MAGI2: variants seen among roughly 807,000 people sequenced by gnomAD.
MAGI2 encodes membrane associated guanylate kinase, WW and PDZ domain containing 2.
In MAGI2, 35 loss-of-function variants were observed where a neutral mutation model predicts 133.3. That is an observed-to-expected ratio of 0.26 (90% confidence interval 0.20 to 0.35). MAGI2 has a LOEUF of 0.35. Ranked by LOEUF, MAGI2 falls within the 10% of genes least tolerant of loss-of-function variation. The pLI, the probability that MAGI2 is intolerant of heterozygous loss-of-function variation, is 1.00. For synonymous variants in MAGI2, 729 were observed against 710.6 expected (o/e 1.03, Z -0.41); for missense variants, 1,636 against 1,863.4 (o/e 0.88, Z 2.25).
intron 1 of MAGI2, among the ~76,000 whole-genome samples, chr7:79,287,751 G>A (rs1428908105): frequency 6.6e-6 from 1 of 152,108 alleles, no homozygotes; most frequent in Non-Finnish European, 1.5e-5. Flanking sequence ...CTAGGATAAT[G>A]TAAAGTTAAA....
At chr7:79,103,809 A>C (rs985637113) in intron 1 of MAGI2, among the ~76,000 whole-genome samples, 2 of 151,636 alleles carry the variant, frequency 1.3e-5, no homozygotes, top group Admixed American at 1.3e-4. Flanking sequence ...ACGCCATTCT[A>C]CTGCCTCAGC....
Position 78,881,353 on chromosome 7 carries a change from C to A in MAGI2, c.418+125737G>T, listed in dbSNP as rs549022940. Among the ~76,000 whole-genome samples the A allele has an allele frequency of 4.8e-5, 7 of 146,646 alleles. No homozygotes were observed. The South Asian group carries it at 1.3e-3, about 27-fold the overall frequency. On this transcript the variant is annotated intron_variant, in intron 2 of 21. Coordinates refer to ENST00000354212, the MANE Select transcript of MAGI2 (RefSeq NM_012301.4). ...CAAGTCTCAATAAATTTTAAAAAAT[C>A]GACTCATAGATGAGAATTGAACAAT...
chr7:78,777,210 C>T (rs1826054112), intron 2 of MAGI2, among the ~76,000 whole-genome samples: 1 of 152,144 alleles, frequency 6.6e-6, no homozygotes, highest in Admixed American at 6.5e-5. Context: ...TTTCTCTAGT[C>T]TTAACTAACC....
intron 1 of MAGI2, among the ~76,000 whole-genome samples, chr7:79,425,177 A>G (rs1479516187): frequency 1.3e-5 from 2 of 151,478 alleles, no homozygotes; most frequent in East Asian, 3.9e-4. Flanking sequence ...GCTTGAACCC[A>G]GGCATCGGAG....
At chr7:78,352,279 C>T (rs1791600732) in intron 7 of MAGI2, among the ~76,000 whole-genome samples, 1 of 152,122 alleles carries the variant, frequency 6.6e-6, no homozygotes, top group Non-Finnish European at 1.5e-5. Context: ...AACAAGGTTA[C>T]ATAATGCAAT....
chr7:79,034,321 G>T (rs2116842970), intron 1 of MAGI2, among the ~76,000 whole-genome samples: 1 of 152,158 alleles, frequency 6.6e-6, no homozygotes, highest in South Asian at 2.1e-4. Flanking sequence ...GTAACGTAAT[G>T]ATCTTTAAAT....
intron 9 of MAGI2, among the ~76,000 whole-genome samples, chr7:78,272,718 CT>C (rs1172401342): frequency 1.3e-5 from 2 of 152,042 alleles, no homozygotes; most frequent in Admixed American, 6.6e-5. Context: ...CTCTTTTGAT[CT>C]TTGTTGGTTT....
At chr7:78,667,429 G>A (rs544304318) in intron 2 of MAGI2, among the ~76,000 whole-genome samples, 2 of 149,128 alleles carry the variant, frequency 1.3e-5, no homozygotes, top group African/African-American at 5.0e-5. Flanking sequence ...TAGGGTACAT[G>A]TGCACAATGT....
intron 1 of MAGI2, chr7:79,354,524 C>T (rs848936): frequency 0.52 from 78,545 of 151,988 alleles, 22,191 homozygotes; most frequent in African/African-American, 0.76. Flanking sequence ...GGATTGGGGA[C>T]AGGATCTGTG....
At chr7:78,076,788 G>A (rs1162127793) in intron 21 of MAGI2, among the ~76,000 whole-genome samples, 1 of 136,914 alleles carries the variant, frequency 7.3e-6, no homozygotes, top group Admixed American at 7.9e-5. Context: ...GGAGCTTGCA[G>A]TGAGCCGAGA....
At chr7:79,324,426 CATAT>C (rs1012219917) in intron 1 of MAGI2, among the ~76,000 whole-genome samples, 1 of 90,462 alleles carries the variant, frequency 1.1e-5, no homozygotes, top group African/African-American at 3.5e-5. Context: ...TATCTATAAC[CATAT>C]ATATATAACC....
intron 1 of MAGI2, among the ~76,000 whole-genome samples, chr7:79,043,684 T>G (rs1811898894): frequency 6.8e-6 from 1 of 147,224 alleles, no homozygotes; most frequent in African/African-American, 2.5e-5. Context: ...AAGATCCAAA[T>G]AAACACAATC....
At chr7:78,923,317 A>G (rs1799412797) in intron 2 of MAGI2, among the ~76,000 whole-genome samples, 1 of 152,114 alleles carries the variant, frequency 6.6e-6, no homozygotes, top group South Asian at 2.1e-4. Flanking sequence ...TAGGGTTTTT[A>G]TGGTTTTAGG....
chr7:78,573,315 T>G, intron 3 of MAGI2, among the ~76,000 whole-genome samples: 1 of 69,602 alleles, frequency 1.4e-5, no homozygotes, highest in African/African-American at 7.4e-5. Context: ...TATATATAAA[T>G]ATATAAATAT....
intron 10 of MAGI2, among the ~76,000 whole-genome samples, chr7:78,225,118 G>A (rs1324550467): frequency 6.6e-6 from 1 of 152,070 alleles, no homozygotes; most frequent in Admixed American, 6.5e-5. Flanking sequence ...TGCACAAACT[G>A]CTGTAAGACC....
chr7:79,299,554 CAAAA>C (rs57740248), intron 1 of MAGI2, among the ~76,000 whole-genome samples: 1 of 84,708 alleles, frequency 1.2e-5, no homozygotes. Flanking sequence ...GACTCCATCT[CAAAA>C]AAAAAAAAAA....
intron 6 of MAGI2, among the ~76,000 whole-genome samples, chr7:78,426,871 GCAGC>G (rs1447515895): frequency 5.3e-5 from 8 of 152,100 alleles, no homozygotes; most frequent in African/African-American, 9.7e-5. Flanking sequence ...AATTTTGAAA[GCAGC>G]CAGAGAAAAG....
intron 14 of MAGI2, among the ~76,000 whole-genome samples, chr7:78,176,908 G>GACACACACACACACAC (rs200781303): frequency 0.026 from 3,443 of 130,328 alleles, 68 homozygotes; most frequent in Non-Finnish European, 0.036. Context: ...ACCATATATA[G>GACACACACACACACAC]ACACACACAC....
chr7:79,156,368 C>A (rs569709297), intron 1 of MAGI2, among the ~76,000 whole-genome samples: 1 of 152,120 alleles, frequency 6.6e-6, no homozygotes, highest in East Asian at 1.9e-4. Context: ...TTCTTCCAGG[C>A]CCTCCCAATC....
Sources: allele counts gnomAD v4.1 joint callset (sites outside exome capture counted in the v4.1 genomes callset), GRCh38; gene constraint gnomAD v4.1.1; transcripts MANE v1.5; gene names NCBI Gene and HGNC (gene_info 2026-07-23, HGNC 2026-07-21).